DGKI: variants seen among roughly 807,000 people sequenced by gnomAD.
DGKI encodes diacylglycerol kinase iota.
In DGKI, 55 loss-of-function variants were observed where a neutral mutation model predicts 147.5. The observed-to-expected ratio is 0.37, with a 90% CI of 0.30 to 0.47. The LOEUF (loss-of-function observed/expected upper bound fraction) is 0.47, where lower values mean the gene tolerates loss of function less well. Ranked by LOEUF, DGKI falls within the 20% of genes least tolerant of loss-of-function variation. The pLI, the probability that DGKI is intolerant of heterozygous loss-of-function variation, is 1.00. For synonymous variants in DGKI, 469 were observed against 477.1 expected (o/e 0.98, Z 0.22); for missense variants, 1,007 against 1,323.8 (o/e 0.76, Z 3.71).
chr7:137,632,728 A>T (rs10238205), intron 6 of DGKI, among the ~76,000 whole-genome samples: 1 of 151,868 alleles, frequency 6.6e-6, no homozygotes, highest in African/African-American at 2.4e-5. Context: ...GCGTGGTGGC[A>T]CACGCCTGTA....
intron 1 of DGKI, among the ~76,000 whole-genome samples, chr7:137,753,009 G>A (rs1052028981): frequency 6.6e-6 from 1 of 150,802 alleles, no homozygotes; most frequent in African/African-American, 2.5e-5. Context: ...AAACATACAC[G>A]TGTTACTAGT....
At chr7:137,759,136 T>G (rs1795776150) in intron 1 of DGKI, among the ~76,000 whole-genome samples, 1 of 152,094 alleles carries the variant, frequency 6.6e-6, no homozygotes, top group Non-Finnish European at 1.5e-5. Flanking sequence ...TTTGGAGCTC[T>G]CAGTGTCTAT....
chr7:137,458,885 A>C (rs183260899), intron 27 of DGKI, among the ~76,000 whole-genome samples: 1 of 152,294 alleles, frequency 6.6e-6, no homozygotes, highest in Non-Finnish European at 1.5e-5. Flanking sequence ...ACTGAAAAAA[A>C]ATTTTTTTAA....
chr7:137,428,211 G>C (rs541963348), intron 28 of DGKI, among the ~76,000 whole-genome samples: 1 of 150,606 alleles, frequency 6.6e-6, no homozygotes, highest in Non-Finnish European at 1.5e-5. Context: ...CCATGATCAA[G>C]TGGGCTTCAT....
chr7:137,629,091 A>G (rs1299440734), intron 6 of DGKI, among the ~76,000 whole-genome samples: 1 of 152,172 alleles, frequency 6.6e-6, no homozygotes, highest in Non-Finnish European at 1.5e-5. Flanking sequence ...TAGCGTGTCC[A>G]AGGCTCACAA....
At chr7:137,824,009 A>G (rs1797980424) in intron 1 of DGKI, among the ~76,000 whole-genome samples, 1 of 152,232 alleles carries the variant, frequency 6.6e-6, no homozygotes, top group Non-Finnish European at 1.5e-5. Flanking sequence ...TAAAATTGTA[A>G]TATGTATTGG....
intron 1 of DGKI, among the ~76,000 whole-genome samples, chr7:137,824,787 G>C (rs1400309648): frequency 1.3e-5 from 2 of 152,124 alleles, no homozygotes; most frequent in Non-Finnish European, 2.9e-5. Context: ...TTAGCTCCCA[G>C]TTATAAGTGA....
chr7:137,845,343 T>C (rs1798680286), intron 1 of DGKI, among the ~76,000 whole-genome samples: 1 of 152,212 alleles, frequency 6.6e-6, no homozygotes, highest in African/African-American at 2.4e-5. Flanking sequence ...CACACCTCTG[T>C]CATCTGCGTT....
intron 1 of DGKI, among the ~76,000 whole-genome samples, chr7:137,755,760 A>G (rs898429523): frequency 6.6e-6 from 1 of 152,176 alleles, no homozygotes; most frequent in African/African-American, 2.4e-5. Context: ...AAGAGGCTAA[A>G]CAAACTGTAG....
chr7:137,468,202 C>T (rs944894610), intron 24 of DGKI, among the ~76,000 whole-genome samples: 3 of 152,124 alleles, frequency 2.0e-5, no homozygotes, highest in Non-Finnish European at 4.4e-5. Flanking sequence ...AATCATCACC[C>T]CTGCTGTCTA....
At chr7:137,719,524 A>C (rs564771549) in intron 1 of DGKI, among the ~76,000 whole-genome samples, 1 of 152,030 alleles carries the variant, frequency 6.6e-6, no homozygotes. Flanking sequence ...GGATTCACAA[A>C]TGAAGTACTC....
intron 18 of DGKI, 48 bp from the exon 19 acceptor site, chr7:137,571,334 A>C: frequency 7.5e-7 from 1 of 1,330,390 alleles, no homozygotes; most frequent in Non-Finnish European, 1.1e-6. Flanking sequence ...CATCCTTCTC[A>C]TGACTATCAT....
chr7:137,444,029 G>C (rs926234651), intron 28 of DGKI, 48 bp downstream of exon 28: 1 of 1,499,310 alleles, frequency 6.7e-7, no homozygotes, highest in East Asian at 2.4e-5. Flanking sequence ...AAGACCAGGG[G>C]TCAAGTTTCA....
intron 1 of DGKI, among the ~76,000 whole-genome samples, chr7:137,825,455 C>T (rs1388043532): frequency 6.6e-6 from 1 of 152,134 alleles, no homozygotes; most frequent in Non-Finnish European, 1.5e-5. Context: ...AATGTGCACA[C>T]ATTATTCCAT....
At chr7:137,595,336 T>A (rs556916427) in intron 12 of DGKI, among the ~76,000 whole-genome samples, 18 of 152,320 alleles carry the variant, frequency 1.2e-4, no homozygotes, top group African/African-American at 4.1e-4. Context: ...AACTTTCACT[T>A]ACTCATCATT....
intron 6 of DGKI, among the ~76,000 whole-genome samples, chr7:137,633,655 A>C (rs1214331719): frequency 6.6e-6 from 1 of 152,216 alleles, no homozygotes; most frequent in African/African-American, 2.4e-5. Flanking sequence ...TGGTGCCTGA[A>C]TATCACAAAT....
At chr7:137,823,846 G>A (rs779039709) in intron 1 of DGKI, among the ~76,000 whole-genome samples, 3 of 152,214 alleles carry the variant, frequency 2.0e-5, no homozygotes, top group Non-Finnish European at 2.9e-5. Context: ...TAAGAACTTT[G>A]TGGAAGAATC....
chr7:137,493,807 C>T (rs1399309626), intron 21 of DGKI: 1 of 701,894 alleles, frequency 1.4e-6, no homozygotes, highest in Non-Finnish European at 2.6e-6. Flanking sequence ...ACTAGTTCCC[C>T]AGCAATGGTT....
chr7:137,747,313 GAAGT>G, intron 1 of DGKI, among the ~76,000 whole-genome samples: 1 of 152,294 alleles, frequency 6.6e-6, no homozygotes, highest in East Asian at 1.9e-4. Flanking sequence ...AATGTGAGCA[GAAGT>G]AATATGTAAT....
Sources: gnomAD v4.1 joint callset for allele counts (sites outside exome capture counted in the v4.1 genomes callset) on GRCh38, gnomAD v4.1.1 for gene constraint, MANE v1.5 for transcripts, NCBI Gene and HGNC (gene_info 2026-07-23, HGNC 2026-07-21) for gene names.